PRKD1: variants seen among roughly 807,000 people sequenced by gnomAD.
PRKD1 encodes the protein serine/threonine-protein kinase D1.
A neutral mutation model predicts 95.9 loss-of-function variants in PRKD1; 63 were observed. The observed-to-expected ratio is 0.66, with a 90% CI of 0.54 to 0.81. The LOEUF (loss-of-function observed/expected upper bound fraction) is 0.81, where lower values mean the gene tolerates loss of function less well. Among genes scored for constraint, PRKD1 ranks in the 30% least tolerant of loss-of-function variants. The pLI, the probability that PRKD1 is intolerant of heterozygous loss-of-function variation, is 0.00. For synonymous variants in PRKD1, 425 were observed against 423.1 expected (o/e 1.00, Z -0.05); for missense variants, 1,048 against 1,165.3 (o/e 0.90, Z 1.47).
chr14:29,926,144 T>G (rs183859564), intron 1 of PRKD1, among the ~76,000 whole-genome samples: 3 of 152,376 alleles, frequency 2.0e-5, no homozygotes, highest in Admixed American at 1.3e-4. Context: ...AACATTCCTG[T>G]GCTCAGTGCT....
chr14:29,920,031 AGG>A (rs1895039343), intron 1 of PRKD1, among the ~76,000 whole-genome samples: 1 of 134,084 alleles, frequency 7.5e-6, no homozygotes, highest in Admixed American at 7.1e-5. Context: ...GAAGGAAGGA[AGG>A]AAGGAAGGAA....
chr14:29,782,284 T>G (rs186828098), intron 1 of PRKD1, among the ~76,000 whole-genome samples: 30 of 152,304 alleles, frequency 2.0e-4, no homozygotes, highest in African/African-American at 7.0e-4. Flanking sequence ...AGTTCCGGTC[T>G]GACTCACAAA....
rs146078860 is a variant in PRKD1, at chr14:29,677,602, A to T, written c.404-11394T>A. Among the ~76,000 whole-genome samples the T allele has an allele frequency of 3.0e-4, 46 of 152,214 alleles. No homozygotes were observed. In the East Asian group the frequency reaches 3.1e-3, roughly 10 times the overall value. On this transcript the variant is annotated intron_variant, in intron 2 of 17. Transcript: ENST00000331968. Reference sequence around the variant, plus strand: ...TGTTGTTTGTTTGTTTTGAGACAGGATCTCCCTCTGTCACCCAGGCTGGAG... The same window carrying T: ...TGTTGTTTGTTTGTTTTGAGACAGGTTCTCCCTCTGTCACCCAGGCTGGAG...
intron 1 of PRKD1, among the ~76,000 whole-genome samples, chr14:29,844,058 G>A (rs1329348284): frequency 6.6e-6 from 1 of 152,200 alleles, no homozygotes; most frequent in Non-Finnish European, 1.5e-5. Flanking sequence ...AAAAGGCACA[G>A]AGCTATTGTG....
chr14:29,752,690 TATG>T (rs1887534313), intron 1 of PRKD1, among the ~76,000 whole-genome samples: 1 of 152,002 alleles, frequency 6.6e-6, no homozygotes, highest in Admixed American at 6.6e-5. Flanking sequence ...ACCAACTTAA[TATG>T]ATGAGGTCAA....
intron 13 of PRKD1, among the ~76,000 whole-genome samples, chr14:29,612,285 G>A (rs1878520670): frequency 6.6e-6 from 1 of 152,066 alleles, no homozygotes; most frequent in African/African-American, 2.4e-5. Context: ...ATAAGTAAAA[G>A]GCTATGTTTA....
At chr14:29,832,135 G>A (rs113845635) in intron 1 of PRKD1, among the ~76,000 whole-genome samples, 1,578 of 152,042 alleles carry the variant, frequency 0.01, 32 homozygotes, top group African/African-American at 0.036. Context: ...TGCTGGATAC[G>A]GCCATATACT....
chr14:29,582,851 GA>G (rs1892795831), intron 16 of PRKD1, among the ~76,000 whole-genome samples: 1 of 152,168 alleles, frequency 6.6e-6, no homozygotes, highest in Admixed American at 6.5e-5. Flanking sequence ...GGAACTGCAG[GA>G]GAGTAGTGGA....
At chr14:29,873,007 A>G (rs186071006) in intron 1 of PRKD1, among the ~76,000 whole-genome samples, 2 of 152,352 alleles carry the variant, frequency 1.3e-5, no homozygotes, top group African/African-American at 2.4e-5. Context: ...TATACAATGC[A>G]TAAGTGAGGA....
intron 2 of PRKD1, among the ~76,000 whole-genome samples, chr14:29,678,814 C>T (rs575497064): frequency 9.9e-5 from 15 of 152,076 alleles, no homozygotes; most frequent in African/African-American, 2.4e-4. Flanking sequence ...ATTAATAAAC[C>T]GTGATTATTT....
At chr14:29,834,754 A>ATC (rs1211142408) in intron 1 of PRKD1, among the ~76,000 whole-genome samples, 1 of 152,174 alleles carries the variant, frequency 6.6e-6, no homozygotes, top group Non-Finnish European at 1.5e-5. Flanking sequence ...TTTTAAAACA[A>ATC]TTATCTCATT....
intron 1 of PRKD1, among the ~76,000 whole-genome samples, chr14:29,731,164 A>C (rs1886415831): frequency 6.6e-6 from 1 of 152,152 alleles, no homozygotes; most frequent in Non-Finnish European, 1.5e-5. Flanking sequence ...TTTTAAATAT[A>C]TGTAGTCTAA....
chr14:29,695,664 T>C (rs962475583), intron 2 of PRKD1, among the ~76,000 whole-genome samples: 1 of 152,224 alleles, frequency 6.6e-6, no homozygotes, highest in African/African-American at 2.4e-5. Context: ...CAAAGCTTCC[T>C]AGACATTCCA....
intron 1 of PRKD1, among the ~76,000 whole-genome samples, chr14:29,871,610 T>C (rs1447875052): frequency 6.6e-6 from 1 of 152,236 alleles, no homozygotes; most frequent in Non-Finnish European, 1.5e-5. Flanking sequence ...CTGAGATTAA[T>C]AAATGAGATA....
chr14:29,872,603 C>T (rs897485229), intron 1 of PRKD1, among the ~76,000 whole-genome samples: 4 of 151,112 alleles, frequency 2.6e-5, no homozygotes, highest in African/African-American at 7.3e-5. Context: ...CTGCAGTGAG[C>T]CGAGATCAAG....
At chr14:29,721,350 A>T (rs928350927) in intron 2 of PRKD1, among the ~76,000 whole-genome samples, 2 of 152,256 alleles carry the variant, frequency 1.3e-5, no homozygotes, top group Non-Finnish European at 2.9e-5. Flanking sequence ...GGAAAGATTC[A>T]ACATTTATCT....
intron 1 of PRKD1, among the ~76,000 whole-genome samples, chr14:29,873,512 A>C (rs1893183559): frequency 6.6e-6 from 1 of 152,220 alleles, no homozygotes; most frequent in Non-Finnish European, 1.5e-5. Flanking sequence ...AATCTTGCAT[A>C]GAGCTAAAGA....
intron 1 of PRKD1, among the ~76,000 whole-genome samples, chr14:29,823,557 T>C (rs991053433): frequency 2.0e-5 from 3 of 152,180 alleles, no homozygotes; most frequent in Non-Finnish European, 4.4e-5. Context: ...AATACTATAT[T>C]GCCACTTCTT....
intron 1 of PRKD1, among the ~76,000 whole-genome samples, chr14:29,891,394 AT>A (rs1893932725): frequency 6.6e-6 from 1 of 152,138 alleles, no homozygotes; most frequent in Non-Finnish European, 1.5e-5. Flanking sequence ...ATTTGGTTAG[AT>A]ACCTGTTTTC....
Sources: allele counts gnomAD v4.1 joint callset (sites outside exome capture counted in the v4.1 genomes callset), GRCh38; gene constraint gnomAD v4.1.1; transcripts MANE v1.5; gene names NCBI Gene and HGNC (gene_info 2026-07-23, HGNC 2026-07-21).